Variants in DMD observed in about 807,000 individuals in gnomAD.
DMD encodes dystrophin, also known as mutant dystrophin.
A neutral mutation model predicts 330.1 loss-of-function variants in DMD; 63 were observed. The observed-to-expected ratio is 0.19, with a 90% CI of 0.16 to 0.24. The LOEUF (loss-of-function observed/expected upper bound fraction) is 0.24, where lower values mean the gene tolerates loss of function less well. DMD is among the 10% of genes least tolerant of loss of function. DMD has a pLI of 1.00. For missense variants in DMD, 3,344 were observed against 2,684.1 expected (o/e 1.25, Z -5.43); for synonymous variants, 1,223 against 959.8 (o/e 1.27, Z -5.07).
chrX:32,749,132 A>G (rs193206660), intron 7 of DMD, among the ~76,000 whole-genome samples: 12 of 112,197 alleles, frequency 1.1e-4, no homozygotes, highest in African/African-American at 3.9e-4. Context: ...TAGACTGATT[A>G]GTAAATGTAA....
At chrX:32,476,398 A>C (rs1328828038) in intron 21 of DMD, among the ~76,000 whole-genome samples, 1 of 111,683 alleles carries the variant, frequency 9.0e-6, no homozygotes, top group Non-Finnish European at 1.9e-5. Flanking sequence ...TGGTCATTTC[A>C]AAAAATCTAA....
chrX:31,539,491 CAT>C (rs2073659412), intron 55 of DMD, among the ~76,000 whole-genome samples: 1 of 111,881 alleles, frequency 8.9e-6, no homozygotes, highest in Admixed American at 9.5e-5. Flanking sequence ...TGGTCACCAG[CAT>C]AAATAAATCT....
At chrX:33,330,504 A>G (rs1214098255) in intron 1 of DMD, among the ~76,000 whole-genome samples, 1 of 111,913 alleles carries the variant, frequency 8.9e-6, no homozygotes, top group Admixed American at 9.6e-5. Flanking sequence ...AGACATTGAG[A>G]TAAAATATGA....
chrX:32,504,576 G>A (rs925803436), intron 18 of DMD, among the ~76,000 whole-genome samples: 6 of 110,041 alleles, frequency 5.5e-5, no homozygotes, highest in African/African-American at 1.0e-4. Flanking sequence ...GCAGTGAGCC[G>A]AGATCACACC....
chrX:31,527,060 A>G (rs754540281), intron 55 of DMD, among the ~76,000 whole-genome samples: 2 of 111,589 alleles, frequency 1.8e-5, no homozygotes, highest in South Asian at 7.7e-4. Flanking sequence ...AGTTGCAGTG[A>G]GCCATGATTG....
chrX:32,297,296 C>A (rs1007959402), intron 42 of DMD, among the ~76,000 whole-genome samples: 2 of 106,465 alleles, frequency 1.9e-5, no homozygotes, highest in African/African-American at 3.5e-5. Context: ...ATTTTGGAGA[C>A]AGAGTCTCAC....
intron 44 of DMD, among the ~76,000 whole-genome samples, chrX:32,024,236 G>T (rs2095828453): frequency 9.0e-6 from 1 of 111,625 alleles, no homozygotes; most frequent in Non-Finnish European, 1.9e-5. Flanking sequence ...TGTAATCCCA[G>T]CACTGTGGGA....
At chrX:31,977,715 G>C (rs1252680150) in intron 44 of DMD, among the ~76,000 whole-genome samples, 1 of 105,874 alleles carries the variant, frequency 9.4e-6, no homozygotes, top group Non-Finnish European at 1.9e-5. Context: ...CTCCTTCATG[G>C]AATTAGATGA....
intron 2 of DMD, among the ~76,000 whole-genome samples, chrX:32,903,551 C>T (rs1410456084): frequency 9.0e-6 from 1 of 111,481 alleles, no homozygotes; most frequent in African/African-American, 3.3e-5. Context: ...CACTCCCAGT[C>T]CCTCATACCC....
At chrX:31,348,534 A>T in intron 61 of DMD, 22 bp downstream of exon 61, 1 of 1,191,337 alleles carries the variant, frequency 8.4e-7, no homozygotes, top group Non-Finnish European at 1.1e-6. Flanking sequence ...AAGTTAAGTG[A>T]TAAAAGCTGA....
At chrX:32,559,044 G>A (rs1348553799) in intron 16 of DMD, among the ~76,000 whole-genome samples, 1 of 98,762 alleles carries the variant, frequency 1.0e-5, no homozygotes, top group Admixed American at 1.2e-4. Context: ...TCCACCTCCC[G>A]GGTTCAAGCA....
intron 2 of DMD, among the ~76,000 whole-genome samples, chrX:32,896,121 A>T (rs1391940012): frequency 5.4e-5 from 6 of 111,240 alleles, no homozygotes; most frequent in African/African-American, 1.3e-4. Flanking sequence ...AAAGAATTAG[A>T]TGTGCTGTGC....
chrX:32,386,333 G>A lies in DMD; in HGVS notation c.4651C>T (p.His1551Tyr). 2 of 1,208,847 alleles carry A rather than the reference G, an allele frequency of 1.7e-6. No individual in the cohort carries two copies. The highest frequency in any genetic ancestry group is 2.2e-6 in the Non-Finnish European group (2 of 893,572). The change falls in exon 33 of 79, where the codon CAT (histidine) becomes TAT (tyrosine). Residue 1551 changes from histidine (H) to tyrosine (Y), a missense_variant. Transcript: ENST00000357033. ...ACCTTTGCTCCCAGCTCATTATAAT[G>A]CAATTTCAAAGCTGTTACTCTTTCA... ...LDERVTALKL[H>Y]YNELGAKVTE...
At chrX:32,713,241 T>A (rs1202140664) in intron 7 of DMD, among the ~76,000 whole-genome samples, 1 of 111,858 alleles carries the variant, frequency 8.9e-6, no homozygotes, top group Non-Finnish European at 1.9e-5. Flanking sequence ...TTCATGTGAT[T>A]TATGTTCAGT....
chrX:32,178,940 TTC>T (rs528690053), intron 44 of DMD, among the ~76,000 whole-genome samples: 12,952 of 68,237 alleles, frequency 0.19, 1,125 homozygotes, highest in Middle Eastern at 0.25. Flanking sequence ...AAACCCCAGA[TTC>T]TCTCTCTCTC....
At chrX:31,170,966 C>G (rs1201490899) in intron 73 of DMD, among the ~76,000 whole-genome samples, 1 of 112,139 alleles carries the variant, frequency 8.9e-6, no homozygotes, top group African/African-American at 3.2e-5. Flanking sequence ...TTCTCTTAGG[C>G]AGTCAATGAA....
intron 62 of DMD, among the ~76,000 whole-genome samples, chrX:31,305,129 T>C (rs1208196471): frequency 8.9e-6 from 1 of 112,143 alleles, no homozygotes; most frequent in Non-Finnish European, 1.9e-5. Context: ...TTTCATTTAT[T>C]TGTAATTGAC....
intron 37 of DMD, among the ~76,000 whole-genome samples, chrX:32,350,077 T>G (rs916437180): frequency 4.5e-5 from 5 of 111,594 alleles, no homozygotes; most frequent in Non-Finnish European, 7.6e-5. Flanking sequence ...AACTATGTTC[T>G]ATGTGATTTT....
At chrX:32,713,395 G>A (rs777076472) in intron 7 of DMD, among the ~76,000 whole-genome samples, 1 of 111,433 alleles carries the variant, frequency 9.0e-6, no homozygotes, top group Non-Finnish European at 1.9e-5. Context: ...GAGATTGAAA[G>A]AAGAGGGAAA....
Sources: allele counts gnomAD v4.1 joint callset (sites outside exome capture counted in the v4.1 genomes callset), GRCh38; gene constraint gnomAD v4.1.1; transcripts MANE v1.5; gene names NCBI Gene and HGNC (gene_info 2026-07-23, HGNC 2026-07-21).